The following HCRTR2 variants were observed in gnomAD, a reference collection of about 807,000 sequenced individuals.
HCRTR2 encodes hypocretin receptor 2, also known as orexin receptor type 2.
In HCRTR2, 22 loss-of-function variants were observed where a neutral mutation model predicts 49.0. The observed-to-expected ratio is 0.45, with a 90% CI of 0.32 to 0.64. The LOEUF (loss-of-function observed/expected upper bound fraction) is 0.64, where lower values mean the gene tolerates loss of function less well. Ranked by LOEUF, HCRTR2 falls within the 30% of genes least tolerant of loss-of-function variation. The pLI is 0.04. For synonymous variants in HCRTR2, 236 were observed against 205.3 expected (o/e 1.15, Z -1.28); for missense variants, 491 against 559.4 (o/e 0.88, Z 1.23).
intron 1 of HCRTR2, among the ~76,000 whole-genome samples, chr6:55,229,253 T>G (rs1425823701): frequency 2.0e-5 from 3 of 152,158 alleles, no homozygotes; most frequent in Admixed American, 2.0e-4. Context: ...GGCATCAAAC[T>G]CCAAGACTCA....
chr6:55,212,365 GC>G (rs1311490129), intron 1 of HCRTR2, among the ~76,000 whole-genome samples: 2 of 152,028 alleles, frequency 1.3e-5, no homozygotes, highest in Non-Finnish European at 2.9e-5. Flanking sequence ...GTAGTAACAT[GC>G]CCAGCTTCAG....
At chr6:55,233,228 A>G (rs565167811) in intron 1 of HCRTR2, among the ~76,000 whole-genome samples, 7 of 151,848 alleles carry the variant, frequency 4.6e-5, no homozygotes, top group Non-Finnish European at 7.4e-5. Flanking sequence ...AGCTGGGATT[A>G]CAGGCGCCCA....
chr6:55,208,282 C>T (rs1765637112), intron 1 of HCRTR2, among the ~76,000 whole-genome samples: 1 of 150,042 alleles, frequency 6.7e-6, no homozygotes, highest in South Asian at 2.1e-4. Context: ...TCAGACCAGC[C>T]TGGCCCAACA....
At chr6:55,214,399 A>G (rs73437029) in intron 1 of HCRTR2, among the ~76,000 whole-genome samples, 4,319 of 152,280 alleles carry the variant, frequency 0.028, 180 homozygotes, top group African/African-American at 0.094. Flanking sequence ...TGATGCAATC[A>G]TAACTCACTG....
At chr6:55,272,343 C>T (rs1009371573) in intron 4 of HCRTR2, among the ~76,000 whole-genome samples, 5 of 151,908 alleles carry the variant, frequency 3.3e-5, no homozygotes, top group Admixed American at 6.6e-5. Context: ...GTCCTTGGCA[C>T]GGGCTGGCAG....
At chr6:55,172,057 A>AT (rs1455699103), upstream of HCRTR2, among the ~76,000 whole-genome samples, 1 of 152,180 alleles carries the variant, frequency 6.6e-6, no homozygotes, top group Non-Finnish European at 1.5e-5. Context: ...AAGTTGACAG[A>AT]TTTATGCCGA....
At chr6:55,245,498 T>TATATATATAC (rs1554181928) in intron 1 of HCRTR2, among the ~76,000 whole-genome samples, 4 of 132,778 alleles carry the variant, frequency 3.0e-5, no homozygotes, top group East Asian at 4.2e-4. Context: ...TATATATATA[T>TATATATATAC]ATATATATCT....
Position 55,263,755 on chromosome 6 carries a change from A to G in HCRTR2, c.695A>G (p.Tyr232Cys). 1.2e-6 allele frequency: 2 copies of G among 1,612,444 alleles called. No homozygotes were observed. Among genetic ancestry groups the G allele is most frequent in the African/African-American group, 2.7e-5 (2 of 74,994 alleles). Residue 232 changes from tyrosine to cysteine, a missense_variant, in exon 4 of 7, where the codon TAC (tyrosine) becomes TGC (cysteine). Transcript: ENST00000370862. ...MYHICFFLVT[Y>C]MAPLCLMVLA... ...CACATCTGTTTCTTTCTGGTGACATACATGGCACCACTGTGTCTCATGGTG... is the reference window on the plus strand; with the variant it reads ...CACATCTGTTTCTTTCTGGTGACATGCATGGCACCACTGTGTCTCATGGTG...
intron 3 of HCRTR2, among the ~76,000 whole-genome samples, chr6:55,261,748 C>A (rs1674703269): frequency 6.6e-6 from 1 of 152,128 alleles, no homozygotes; most frequent in African/African-American, 2.4e-5. Flanking sequence ...AGTAGATCTA[C>A]TATTTGATCC....
chr6:55,192,263 G>A (rs557179747), intron 1 of HCRTR2, among the ~76,000 whole-genome samples: 1 of 152,204 alleles, frequency 6.6e-6, no homozygotes, highest in African/African-American at 2.4e-5. Context: ...TGCTAAGAAA[G>A]TAATTATTGG....
chr6:55,121,794 C>A lies in HCRTR2; in HGVS notation c.-378+15249C>A, dbSNP rs1243587744. Among the ~76,000 whole-genome samples the A allele has an allele frequency of 3.3e-5, 5 of 152,282 alleles. No homozygotes were observed. The Middle Eastern group carries it at 0.01, about 311-fold the overall frequency. On this transcript the variant is annotated intron_variant, in intron 1 of 7. Coordinates refer to the HCRTR2 transcript ENST00000615358. ...ATTGGTGTATGTTGAACCAGCCTTG[C>A]ATCCCAGGGATGAAGCCCACTTGAT... is the stretch of plus-strand genomic sequence containing the variant.
intron 1 of HCRTR2, among the ~76,000 whole-genome samples, chr6:55,234,233 C>A (rs1315282002): frequency 6.6e-6 from 1 of 151,848 alleles, no homozygotes; most frequent in Non-Finnish European, 1.5e-5. Context: ...AAAATAAAAC[C>A]TAGGTCATAT....
intron 1 of HCRTR2, among the ~76,000 whole-genome samples, chr6:55,230,682 G>C (rs1414158134): frequency 6.6e-6 from 1 of 151,986 alleles, no homozygotes; most frequent in African/African-American, 2.4e-5. Flanking sequence ...GTACGAAATG[G>C]ATAATCACAT....
chr6:55,282,248 G>A lies in HCRTR2; in HGVS notation c.1129G>A (p.Ala377Thr). ...LSGKFREEFK[A>T]AFSCCCLGVH... is the part of the protein sequence containing the mutation. Reference sequence around the variant, plus strand: ...AGGAAAATTTCGAGAGGAATTTAAAGCTGCGTTTTCTTGCTGTTGCCTTGG... The same window carrying A: ...AGGAAAATTTCGAGAGGAATTTAAAACTGCGTTTTCTTGCTGTTGCCTTGG... The change falls in exon 7 of 7, where the codon GCT becomes ACT. Residue 377 changes from alanine to threonine, a missense_variant. Coordinates refer to ENST00000370862, the MANE Select transcript of HCRTR2 (RefSeq NM_001384272.1). 6.2e-7 allele frequency: 1 copy of A among 1,613,678 alleles called. No individual in the cohort carries two copies. Among genetic ancestry groups the A allele is most frequent in the Non-Finnish European group, 8.5e-7 (1 of 1,179,828 alleles).
intron 1 of HCRTR2, among the ~76,000 whole-genome samples, chr6:55,211,822 A>G (rs558817154): frequency 8.5e-5 from 13 of 152,218 alleles, no homozygotes; most frequent in Non-Finnish European, 1.8e-4. Context: ...ATTATTCCCA[A>G]GGTACTGGGA....
At chr6:55,202,872 T>C (rs1765535490) in intron 1 of HCRTR2, among the ~76,000 whole-genome samples, 1 of 152,128 alleles carries the variant, frequency 6.6e-6, no homozygotes. Context: ...CAGGGATAAG[T>C]GGTATGAGGA....
rs147715077 is a variant in HCRTR2, at chr6:55,166,040, G to A, written c.-377-8171G>A. The stretch of plus-strand genomic sequence containing the variant: ...TTGAGAGTTTTTATCATGAAGAGAT[G>A]TTGCATTTTGTCAAATGCCTTTTCT... On this transcript the variant is annotated intron_variant, in intron 1 of 7. Coordinates refer to the HCRTR2 transcript ENST00000615358. Among the ~76,000 whole-genome samples the A allele has an allele frequency of 5.3e-5, 8 of 152,000 alleles. No homozygotes were observed. The East Asian group carries it at 9.7e-4, about 18-fold the overall frequency.
Position 55,248,796 on chromosome 6 carries a change from C to A in HCRTR2, c.381C>A (p.Cys127Ter). 1 of 1,613,140 alleles carries A rather than the reference C, an allele frequency of 6.2e-7. No individual in the cohort carries two copies. The highest frequency in any genetic ancestry group is 8.5e-7 in the Non-Finnish European group (1 of 1,179,292). Residue 127 changes from cysteine (C) to a stop codon, truncating the protein, a stop_gained, in exon 2 of 7, where the codon TGC becomes TGA. Transcript: ENST00000370862. LOFTEE classifies it high-confidence loss of function. ...CCTGGTTTTTTGGACAGTCCCTTTGCAAAGTGATTCCTTATCTACAGGTAA... is the reference window on the plus strand; with the variant it reads ...CCTGGTTTTTTGGACAGTCCCTTTGAAAAGTGATTCCTTATCTACAGGTAA... Reference protein sequence around the residue: ...TETWFFGQSLCKVIPYLQTVS... With the variant: ...TETWFFGQSL
In HCRTR2 at chr6:55,196,676, C is replaced by T. The variant is rs770575977; in HGVS notation, c.223+21866C>T. On this transcript the variant is annotated intron_variant, in intron 1 of 6. Transcript: ENST00000370862. ...AAGTACTGATTAAAATAGGAACCAA[C>T]CTATATGATTCAGGTGGTGAGAAGG... Among the ~76,000 whole-genome samples, 104 of 151,984 alleles carry T rather than the reference C, an allele frequency of 6.8e-4. No homozygotes were observed. In the Middle Eastern group the frequency reaches 0.017, roughly 25 times the overall value.
Sources: gnomAD v4.1 joint callset for allele counts (sites outside exome capture counted in the v4.1 genomes callset) on GRCh38, gnomAD v4.1.1 for gene constraint, MANE v1.5 for transcripts, NCBI Gene and HGNC (gene_info 2026-07-23, HGNC 2026-07-21) for gene names.